STAG2: variants seen among roughly 807,000 people sequenced by gnomAD.
STAG2 encodes STAG2 cohesin complex component, also known as cohesin subunit SA-2.
STAG2 carries 14 observed loss-of-function variants against 108.1 expected under a neutral mutation model. That is an observed-to-expected ratio of 0.13 (90% confidence interval 0.09 to 0.20). The LOEUF (loss-of-function observed/expected upper bound fraction) is 0.20, where lower values mean the gene tolerates loss of function less well. Among genes scored for constraint, STAG2 ranks in the 10% least tolerant of loss-of-function variants. STAG2 has a pLI of 1.00. For synonymous variants in STAG2, 307 were observed against 302.7 expected (o/e 1.01, Z -0.15); for missense variants, 440 against 940.9 (o/e 0.47, Z 6.96).
intron 1 of STAG2, among the ~76,000 whole-genome samples, chrX:123,969,962 T>G (rs995011893): frequency 2.0e-5 from 2 of 101,532 alleles, no homozygotes; most frequent in Non-Finnish European, 3.9e-5. Context: ...GTTTTTTTTT[T>G]TTTTTTTTTT....
At chrX:123,969,115 G>C (rs2054234145) in intron 1 of STAG2, among the ~76,000 whole-genome samples, 1 of 111,921 alleles carries the variant, frequency 8.9e-6, no homozygotes, top group Non-Finnish European at 1.9e-5. Flanking sequence ...CCCAGAGTCA[G>C]ATAAGTTGCT....
chrX:124,018,495 C>T (rs370037412), intron 1 of STAG2, among the ~76,000 whole-genome samples: 2 of 109,820 alleles, frequency 1.8e-5, no homozygotes, highest in African/African-American at 3.3e-5. Flanking sequence ...GACAGACGGA[C>T]GGATGGATGG....
At position 124,102,297 on chromosome X, in the gene STAG2, A is replaced by G; in HGVS notation, c.*1700A>G. The G allele has an allele frequency of 6.3e-6, 1 of 158,880 alleles. No individual in the cohort carries two copies. The highest frequency in any genetic ancestry group is 8.2e-5 in the Admixed American group (1 of 12,265). 13.1% of individuals were successfully genotyped at this position (158,880 alleles called of 1,213,427 possible). Reference sequence around the variant, plus strand: ...GGACTGTATATATGATTTTAAACCTAAGTTGATTTTTTTTCTCACTCTTGA... The same window carrying G: ...GGACTGTATATATGATTTTAAACCTGAGTTGATTTTTTTTCTCACTCTTGA... On this transcript the variant is annotated 3_prime_UTR_variant, in exon 35 of 35. Coordinates refer to ENST00000371145, the MANE Select transcript of STAG2 (RefSeq NM_001042750.2).
intron 1 of STAG2, among the ~76,000 whole-genome samples, chrX:123,998,533 C>A (rs182853470): frequency 9.5e-6 from 1 of 105,565 alleles, no homozygotes; most frequent in East Asian, 3.0e-4. Flanking sequence ...ACAGTTACAT[C>A]CCCACAGTTT....
chrX:123,994,423 A>G (rs1602726908), intron 1 of STAG2, among the ~76,000 whole-genome samples: 5 of 111,903 alleles, frequency 4.5e-5, no homozygotes, highest in Admixed American at 9.5e-5. Flanking sequence ...TGGTGGGGAC[A>G]AACAAACCAT....
At chrX:124,025,716 T>TA in intron 3 of STAG2, 124 bp from the exon 4 acceptor site, 1 of 421,544 alleles carries the variant, frequency 2.4e-6, no homozygotes, top group Non-Finnish European at 4.1e-6. Context: ...CTTAATTACT[T>TA]ATAATGCTAA....
chrX:123,966,905 C>T (rs1414239867), intron 1 of STAG2, among the ~76,000 whole-genome samples: 1 of 111,402 alleles, frequency 9.0e-6, no homozygotes, highest in Non-Finnish European at 1.9e-5. Context: ...TTTTTTGAGA[C>T]GGAGTTTTGC....
chrX:124,066,755 C>G (rs1345099975), intron 23 of STAG2, among the ~76,000 whole-genome samples: 1 of 111,689 alleles, frequency 9.0e-6, no homozygotes, highest in Non-Finnish European at 1.9e-5. Flanking sequence ...TAAACCAACT[C>G]CCCCTAGATC....
At chrX:124,078,679 A>G (rs902533838) in intron 27 of STAG2, among the ~76,000 whole-genome samples, 4 of 111,204 alleles carry the variant, frequency 3.6e-5, no homozygotes, top group East Asian at 2.8e-4. Context: ...CTAAAACACA[A>G]TAGTTTTGGC....
At position 124,102,289 on chromosome X, in the gene STAG2, TTAAACC is replaced by T. The variant is rs1179957643; in HGVS notation, c.*1696_*1701del. ...TGCTGAGAGGACTGTATATATGATT[TTAAACC>T]TAAGTTGATTTTTTTTCTCACTCTT... On this transcript the variant is annotated 3_prime_UTR_variant, in exon 35 of 35. Transcript: ENST00000371145. 1 of 158,440 alleles carries T rather than the reference TTAAACC, an allele frequency of 6.3e-6. No homozygotes were observed. Among genetic ancestry groups the T allele is most frequent in the African/African-American group, 3.0e-5 (1 of 33,142 alleles). 13.1% of individuals were successfully genotyped at this position (158,440 alleles called of 1,213,427 possible).
intron 1 of STAG2, among the ~76,000 whole-genome samples, chrX:123,996,419 C>G (rs180979616): frequency 2.0e-3 from 220 of 111,709 alleles, no homozygotes; most frequent in African/African-American, 6.9e-3. Flanking sequence ...CTAATTTACA[C>G]TTTTTAGCGG....
intron 1 of STAG2, among the ~76,000 whole-genome samples, chrX:123,993,803 TGTGAC>T (rs2055595828): frequency 8.9e-6 from 1 of 111,885 alleles, no homozygotes; most frequent in African/African-American, 3.3e-5. Context: ...ATGTCGGACC[TGTGAC>T]CATGCATTTA....
At chrX:123,988,467 C>G (rs1358949905) in intron 1 of STAG2, among the ~76,000 whole-genome samples, 1 of 109,946 alleles carries the variant, frequency 9.1e-6, no homozygotes, top group African/African-American at 3.3e-5. Flanking sequence ...TTTTTAAGCC[C>G]GAGATATATG....
intron 1 of STAG2, among the ~76,000 whole-genome samples, chrX:123,972,866 C>CAA (rs747333406): frequency 0.12 from 2,669 of 21,902 alleles, 213 homozygotes; most frequent in East Asian, 0.27. Context: ...ACCAAAAATA[C>CAA]AAAAAAAAAA....
In STAG2 at chrX:124,078,495, G is replaced by A. The variant is rs747920913; in HGVS notation, c.2775+437G>A. Among the ~76,000 whole-genome samples, 8 of 111,509 alleles carry A rather than the reference G, an allele frequency of 7.2e-5. No individual in the cohort carries two copies. The South Asian group carries it at 1.1e-3, about 16-fold the overall frequency. On this transcript the variant is annotated intron_variant, in intron 27 of 34. Coordinates refer to ENST00000371145, the MANE Select transcript of STAG2 (RefSeq NM_001042750.2). ...TGTATAGTACATTTCTGCGATGACCGTTGTACAACACTTAAAATTAGTGTA... is the reference window on the plus strand; with the variant it reads ...TGTATAGTACATTTCTGCGATGACCATTGTACAACACTTAAAATTAGTGTA...
intron 13 of STAG2, among the ~76,000 whole-genome samples, chrX:124,054,477 T>C (rs961715484): frequency 8.9e-6 from 1 of 112,058 alleles, no homozygotes. Flanking sequence ...TTTAAAATCA[T>C]AAATGTTATA....
rs2057320663 is a variant in STAG2 at position 124,031,187 on chromosome X, G to C, written c.288+62G>C. 55 of 1,077,359 alleles carry C rather than the reference G, an allele frequency of 5.1e-5. No individual in the cohort carries two copies. In the South Asian group the frequency reaches 1.4e-3, roughly 28 times the overall value. 88.8% of individuals were successfully genotyped at this position (1,077,359 alleles called of 1,213,427 possible). On this transcript the variant is annotated intron_variant, in intron 5 of 34. Coordinates refer to ENST00000371145, the MANE Select transcript of STAG2 (RefSeq NM_001042750.2). ...ATTTTAAACTTTAATGAGTTATATA[G>C]AGTGTAGCTCTGATTTTTCTAATTG... is the stretch of plus-strand genomic sequence containing the variant.
intron 7 of STAG2, among the ~76,000 whole-genome samples, chrX:124,044,818 T>TTTTGG (rs1272433053): frequency 8.9e-6 from 1 of 112,076 alleles, no homozygotes; most frequent in Non-Finnish European, 1.9e-5. Flanking sequence ...AAAAATATAA[T>TTTTGG]TTTGGTTTGG....
intron 7 of STAG2, among the ~76,000 whole-genome samples, chrX:124,044,637 G>C (rs1284917338): frequency 2.7e-5 from 3 of 111,348 alleles, no homozygotes; most frequent in Non-Finnish European, 5.7e-5. Context: ...CAGAGTACCA[G>C]TCTTCCAAGG....
Sources: gnomAD v4.1 joint callset for allele counts (sites outside exome capture counted in the v4.1 genomes callset) on GRCh38, gnomAD v4.1.1 for gene constraint, MANE v1.5 for transcripts, NCBI Gene and HGNC (gene_info 2026-07-23, HGNC 2026-07-21) for gene names.